TENM3: variants seen among roughly 807,000 people sequenced by gnomAD.
TENM3 encodes the protein teneurin transmembrane protein 3.
In TENM3, 63 loss-of-function variants were observed where a neutral mutation model predicts 255.1. The ratio of observed to expected loss-of-function variants is 0.25; its 90% confidence interval spans 0.20 to 0.30. The LOEUF is 0.30. Ranked by LOEUF, TENM3 falls within the 10% of genes least tolerant of loss-of-function variation. TENM3 has a pLI of 1.00. For synonymous variants in TENM3, 1,306 were observed against 1,322.3 expected (o/e 0.99, Z 0.27); for missense variants, 2,929 against 3,461.1 (o/e 0.85, Z 3.86).
intron 1 of TENM3, among the ~76,000 whole-genome samples, chr4:182,197,831 T>C (rs1420962479): frequency 4.6e-5 from 7 of 152,156 alleles, no homozygotes; most frequent in Non-Finnish European, 7.4e-5. Context: ...TGGGAAGGGC[T>C]CAGTGGCTCA....
intron 1 of TENM3, among the ~76,000 whole-genome samples, chr4:182,187,994 G>C (rs982785320): frequency 1.3e-5 from 2 of 152,056 alleles, no homozygotes; most frequent in African/African-American, 4.8e-5. Context: ...ATTAAGCTTA[G>C]GTTTCCAAGA....
intron 3 of TENM3, among the ~76,000 whole-genome samples, chr4:182,523,828 T>C (rs1284425294): frequency 3.1e-5 from 4 of 128,092 alleles, no homozygotes; most frequent in Non-Finnish European, 5.3e-5. Flanking sequence ...AAAATAATTA[T>C]TATTTCGGAG....
At chr4:182,231,596 A>C (rs2150018158) in intron 1 of TENM3, among the ~76,000 whole-genome samples, 1 of 152,336 alleles carries the variant, frequency 6.6e-6, no homozygotes. Flanking sequence ...TTCTGGCCAA[A>C]GGGTGATGCC....
chr4:182,118,150 CATTA>C, the TENM3 span, among the ~76,000 whole-genome samples: 231 of 152,092 alleles, frequency 1.5e-3, no homozygotes, highest in African/African-American at 5.3e-3. Context: ...TGATGATTAT[CATTA>C]ATTACTTATT....
the TENM3 span, among the ~76,000 whole-genome samples, chr4:181,771,910 C>T: frequency 6.6e-6 from 1 of 152,214 alleles, no homozygotes; most frequent in Non-Finnish European, 1.5e-5. Flanking sequence ...CTGTGCAAAA[C>T]ATCTGGGCTG....
chr4:182,319,473 T>C (rs10007193), intron 1 of TENM3, among the ~76,000 whole-genome samples: 12,477 of 152,280 alleles, frequency 0.082, 627 homozygotes, highest in East Asian at 0.14. Flanking sequence ...AGAGGACTTT[T>C]TATTGTTTAC....
the TENM3 span, among the ~76,000 whole-genome samples, chr4:181,764,951 T>C: frequency 6.6e-6 from 1 of 152,176 alleles, no homozygotes; most frequent in Non-Finnish European, 1.5e-5. Context: ...CACCTCAGGC[T>C]CCTAAAGTGC....
At chr4:182,524,773 T>C (rs1026858334) in intron 3 of TENM3, among the ~76,000 whole-genome samples, 2 of 151,132 alleles carry the variant, frequency 1.3e-5, no homozygotes, top group Non-Finnish European at 2.9e-5. Flanking sequence ...ATCCTAAACT[T>C]TGGGAGGCCA....
intron 12 of TENM3, among the ~76,000 whole-genome samples, chr4:182,698,729 C>T (rs776991796): frequency 3.9e-5 from 6 of 152,124 alleles, no homozygotes; most frequent in Non-Finnish European, 7.3e-5. Flanking sequence ...TCCTTCATGC[C>T]GTAATTTATC....
At chr4:182,072,387 T>C in the TENM3 span, among the ~76,000 whole-genome samples, 3 of 152,120 alleles carry the variant, frequency 2.0e-5, no homozygotes, top group Non-Finnish European at 2.9e-5. Flanking sequence ...TAGTAAGCAA[T>C]GTCTAACCTA....
chr4:181,842,546 G>T, the TENM3 span, among the ~76,000 whole-genome samples: 2 of 151,914 alleles, frequency 1.3e-5, no homozygotes, highest in African/African-American at 4.8e-5. Context: ...CTCCCTTTTC[G>T]CTGTTGCTTT....
At chr4:182,505,603 C>T (rs573654842) in intron 3 of TENM3, among the ~76,000 whole-genome samples, 17 of 152,110 alleles carry the variant, frequency 1.1e-4, no homozygotes, top group Admixed American at 7.9e-4. Context: ...CTCAGCCTCC[C>T]GAGTAGCTGG....
chr4:181,627,464 T>C, the TENM3 span, among the ~76,000 whole-genome samples: 1 of 152,180 alleles, frequency 6.6e-6, no homozygotes, highest in Non-Finnish European at 1.5e-5. Context: ...TAGGTATATC[T>C]CCTAATGTTT....
At chr4:182,448,116 C>T (rs1173717303) in intron 3 of TENM3, among the ~76,000 whole-genome samples, 1 of 152,222 alleles carries the variant, frequency 6.6e-6, no homozygotes, top group African/African-American at 2.4e-5. Flanking sequence ...GCCTTCAGCC[C>T]CTGGTACCGT....
intron 1 of TENM3, among the ~76,000 whole-genome samples, chr4:182,229,975 G>A (rs998888401): frequency 6.6e-6 from 1 of 151,962 alleles, no homozygotes; most frequent in African/African-American, 2.4e-5. Flanking sequence ...CATTGTGGTT[G>A]GTAGTAATAC....
At chr4:182,173,695 C>T (rs947498669) in intron 1 of TENM3, among the ~76,000 whole-genome samples, 2 of 152,010 alleles carry the variant, frequency 1.3e-5, no homozygotes, top group African/African-American at 2.4e-5. Context: ...ATCATCTGCC[C>T]GTGAACTTGA....
chr4:182,705,136 T>A (rs1561134797), intron 12 of TENM3, among the ~76,000 whole-genome samples: 1 of 152,172 alleles, frequency 6.6e-6, no homozygotes, highest in Non-Finnish European at 1.5e-5. Flanking sequence ...TTTAAACAGT[T>A]GCTGATTGGA....
At chr4:181,493,117 T>A in the TENM3 span, among the ~76,000 whole-genome samples, 1 of 151,842 alleles carries the variant, frequency 6.6e-6, no homozygotes, top group Non-Finnish European at 1.5e-5. Context: ...CTTCCCTAGA[T>A]AAGAACTCAT....
the TENM3 span, among the ~76,000 whole-genome samples, chr4:181,595,664 G>A: frequency 3.3e-5 from 5 of 151,928 alleles, no homozygotes; most frequent in South Asian, 2.1e-4. Flanking sequence ...GGTTTAAAAC[G>A]CCCTACAAGA....
Sources: allele counts gnomAD v4.1 joint callset (sites outside exome capture counted in the v4.1 genomes callset), GRCh38; gene constraint gnomAD v4.1.1; transcripts MANE v1.5; gene names NCBI Gene and HGNC (gene_info 2026-07-23, HGNC 2026-07-21).